Variants in PSD3 observed in about 807,000 individuals in gnomAD.
The protein encoded by PSD3 is PH and SEC7 domain-containing protein 3.
PSD3 carries 49 observed loss-of-function variants against 105.5 expected under a neutral mutation model. The ratio of observed to expected loss-of-function variants is 0.46; its 90% confidence interval spans 0.37 to 0.59. The LOEUF (loss-of-function observed/expected upper bound fraction) is 0.59, where lower values mean the gene tolerates loss of function less well. Ranked by LOEUF, PSD3 falls within the 20% of genes least tolerant of loss-of-function variation. The pLI, the probability that PSD3 is intolerant of heterozygous loss-of-function variation, is 0.00. For missense variants in PSD3, 1,561 were observed against 1,263.8 expected, an observed-to-expected ratio of 1.24 and a Z score of -3.57; for synonymous variants, 557 against 457.8, an observed-to-expected ratio of 1.22 and a Z score of -2.77.
intron 1 of PSD3, among the ~76,000 whole-genome samples, chr8:19,068,120 C>A (rs981924150): frequency 2.0e-5 from 3 of 152,120 alleles, no homozygotes; most frequent in African/African-American, 7.2e-5. Context: ...GGCTCCCCTG[C>A]AGCCTACATA....
intron 10 of PSD3, among the ~76,000 whole-genome samples, chr8:18,639,011 C>G (rs1196558019): frequency 6.6e-6 from 1 of 152,154 alleles, no homozygotes; most frequent in Non-Finnish European, 1.5e-5. Flanking sequence ...GTGGCTTGTG[C>G]CAGTCTGAAA....
At chr8:18,922,477 TCTCA>T (rs1821086398) in intron 2 of PSD3, among the ~76,000 whole-genome samples, 1 of 152,184 alleles carries the variant, frequency 6.6e-6, no homozygotes, top group African/African-American at 2.4e-5. Flanking sequence ...TTTCCTATTC[TCTCA>T]CTCAACCTAC....
intron 1 of PSD3, among the ~76,000 whole-genome samples, chr8:19,074,881 A>T (rs983465770): frequency 2.0e-4 from 31 of 151,530 alleles, no homozygotes; most frequent in Admixed American, 1.9e-3. Flanking sequence ...CGGCCTCCCA[A>T]CGTGCTGGGA....
intron 2 of PSD3, among the ~76,000 whole-genome samples, chr8:18,893,347 A>G (rs1433534573): frequency 6.6e-6 from 1 of 152,194 alleles, no homozygotes; most frequent in Non-Finnish European, 1.5e-5. Context: ...TCTCCCTAAA[A>G]GTAGAAAAGT....
intron 11 of PSD3, 89 bp downstream of exon 11, chr8:18,632,524 T>C: frequency 5.7e-6 from 8 of 1,398,006 alleles, no homozygotes; most frequent in Non-Finnish European, 6.9e-6. Flanking sequence ...CATAATTTTT[T>C]CATCCTTGAC....
chr8:19,023,853 T>G (rs1391781464), intron 1 of PSD3, among the ~76,000 whole-genome samples: 1 of 152,188 alleles, frequency 6.6e-6, no homozygotes, highest in East Asian at 1.9e-4. Context: ...CAAATGAAAG[T>G]TTGGTCCCAA....
chr8:18,584,152 G>C (rs548958866), intron 12 of PSD3, among the ~76,000 whole-genome samples: 2 of 152,282 alleles, frequency 1.3e-5, no homozygotes, highest in African/African-American at 4.8e-5. Context: ...TAGAAGATAC[G>C]AGACATTTTC....
intron 1 of PSD3, among the ~76,000 whole-genome samples, chr8:18,945,479 T>C (rs557852982): frequency 6.6e-6 from 1 of 152,310 alleles, no homozygotes; most frequent in African/African-American, 2.4e-5. Flanking sequence ...GATTATCCTC[T>C]GGCACCTTGA....
At position 18,600,406 on chromosome 8, in the gene PSD3, G is replaced by T; in HGVS notation, c.2439C>A (p.Thr813=). The change falls in exon 12 of 16, where the codon ACC becomes ACA. Residue 813 remains threonine, a synonymous_variant. Transcript: ENST00000327040. The stretch of plus-strand genomic sequence containing the variant: ...CTGTTCCCTTCAGTACAGCATAAAA[G>T]GTTTTCCATCCTCGTTTTCCTCTTG... ...KTPRGKRGWK[T]FYAVLKGTVL... 1.9e-6 allele frequency: 3 copies of T among 1,604,950 alleles called. No individual in the cohort carries two copies. Among genetic ancestry groups the T allele is most frequent in the East Asian group, 2.2e-5 (1 of 44,794 alleles).
At chr8:18,704,796 AAT>A (rs1490049510) in intron 9 of PSD3, among the ~76,000 whole-genome samples, 4 of 152,228 alleles carry the variant, frequency 2.6e-5, no homozygotes, top group African/African-American at 7.2e-5. Context: ...GTAGAAAAAT[AAT>A]ATGTTAAAAG....
chr8:18,924,228 C>A (rs1171393136), intron 2 of PSD3, among the ~76,000 whole-genome samples: 1 of 152,098 alleles, frequency 6.6e-6, no homozygotes. Flanking sequence ...CCAAAACAGA[C>A]CATTGGAAAC....
At chr8:18,920,180 T>C (rs1820915192) in intron 2 of PSD3, among the ~76,000 whole-genome samples, 1 of 152,192 alleles carries the variant, frequency 6.6e-6, no homozygotes, top group Non-Finnish European at 1.5e-5. Context: ...ACCATCGCTT[T>C]AAAACAGCAA....
chr8:18,644,395 C>G (rs1341350562), intron 10 of PSD3, among the ~76,000 whole-genome samples: 1 of 152,180 alleles, frequency 6.6e-6, no homozygotes, highest in Non-Finnish European at 1.5e-5. Context: ...TAGCTCCTTG[C>G]TCATAAATTC....
At chr8:18,688,173 T>A (rs1337124100) in intron 9 of PSD3, among the ~76,000 whole-genome samples, 1 of 152,160 alleles carries the variant, frequency 6.6e-6, no homozygotes, top group Non-Finnish European at 1.5e-5. Flanking sequence ...TGAGCAAAGA[T>A]CCTGGACTCA....
chr8:18,646,688 C>T (rs1808062649), intron 10 of PSD3, among the ~76,000 whole-genome samples: 1 of 151,962 alleles, frequency 6.6e-6, no homozygotes, highest in African/African-American at 2.4e-5. Flanking sequence ...TAGAAAAACT[C>T]TTGGGTGAAA....
chr8:18,751,282 C>T (rs552535204), intron 9 of PSD3, among the ~76,000 whole-genome samples: 2 of 152,298 alleles, frequency 1.3e-5, no homozygotes, highest in Admixed American at 6.5e-5. Context: ...GCCGCTGGCC[C>T]GGGTGCTAAG....
At chr8:18,719,069 G>A (rs936890533) in intron 9 of PSD3, among the ~76,000 whole-genome samples, 4 of 151,970 alleles carry the variant, frequency 2.6e-5, no homozygotes, top group Non-Finnish European at 5.9e-5. Flanking sequence ...GAGGCTAAAA[G>A]GAAAAAGCTA....
chr8:18,649,052 G>C (rs1808271561), intron 10 of PSD3, among the ~76,000 whole-genome samples: 1 of 152,222 alleles, frequency 6.6e-6, no homozygotes, highest in African/African-American at 2.4e-5. Context: ...TACTAGGGGA[G>C]TGCAGAAGAG....
intron 12 of PSD3, among the ~76,000 whole-genome samples, chr8:18,576,386 G>C (rs201396193): frequency 6.6e-6 from 1 of 152,132 alleles, no homozygotes; most frequent in African/African-American, 2.4e-5. Flanking sequence ...CCCAGGATAA[G>C]AAGTGCTATT....
Sources: gnomAD v4.1 joint callset for allele counts (sites outside exome capture counted in the v4.1 genomes callset) on GRCh38, gnomAD v4.1.1 for gene constraint, MANE v1.5 for transcripts, NCBI Gene and HGNC (gene_info 2026-07-23, HGNC 2026-07-21) for gene names.